The following OLAH variants were observed in gnomAD, a reference collection of about 807,000 sequenced individuals.
The protein encoded by OLAH is oleoyl-ACP hydrolase.
In OLAH, 33 loss-of-function variants were observed where a neutral mutation model predicts 27.8. That is an observed-to-expected ratio of 1.19 (90% CI 0.90 to 1.59). The LOEUF (loss-of-function observed/expected upper bound fraction) is 1.59. Among genes scored for constraint, OLAH ranks in the 40% most tolerant of loss-of-function variants. OLAH has a pLI of 0.00. For missense variants in OLAH, 359 were observed against 310.8 expected (o/e 1.16, Z -1.17); for synonymous variants, 120 against 102.9 (o/e 1.17, Z -1.01).
intron 4 of OLAH, chr10:15,062,081 C>T: frequency 2.3e-6 from 1 of 441,264 alleles, no homozygotes; most frequent in Middle Eastern, 6.1e-4. Context: ...ACTTGTAAAA[C>T]CAAGACTTTA....
At chr10:15,048,229 T>C (rs1677381977) in intron 2 of OLAH, among the ~76,000 whole-genome samples, 2 of 152,080 alleles carry the variant, frequency 1.3e-5, no homozygotes, top group South Asian at 4.1e-4. Context: ...GTTTGTTTGC[T>C]TGTTTTGAGA....
intron 7 of OLAH, 111 bp from the exon 8 acceptor site, chr10:15,072,976 C>A: frequency 1.1e-6 from 1 of 949,132 alleles, no homozygotes; most frequent in Non-Finnish European, 1.6e-6. Context: ...GAACATAAGG[C>A]CTTGAAAGTA....
intron 1 of OLAH, among the ~76,000 whole-genome samples, chr10:15,032,663 T>C (rs1843777947): frequency 6.6e-6 from 1 of 151,026 alleles, no homozygotes; most frequent in Admixed American, 6.6e-5. Flanking sequence ...CAGGGAATTC[T>C]ATAACTTGTT....
intron 2 of OLAH, among the ~76,000 whole-genome samples, chr10:15,048,635 G>C (rs1204321695): frequency 6.6e-6 from 1 of 152,178 alleles, no homozygotes; most frequent in Non-Finnish European, 1.5e-5. Context: ...AAGATACCAA[G>C]ATTGAAGCTG....
At chr10:15,070,289 G>A (rs1027014033) in intron 6 of OLAH, among the ~76,000 whole-genome samples, 5 of 151,746 alleles carry the variant, frequency 3.3e-5, no homozygotes, top group East Asian at 3.9e-4. Flanking sequence ...GTCCCCCTCC[G>A]ATCCGTTATC....
intron 3 of OLAH, among the ~76,000 whole-genome samples, chr10:15,056,205 C>T (rs1240539130): frequency 6.6e-6 from 1 of 152,078 alleles, no homozygotes. Context: ...ATTTATGTAT[C>T]TATTCTGTTC....
intron 3 of OLAH, among the ~76,000 whole-genome samples, chr10:15,060,223 G>T (rs932383711): frequency 6.6e-6 from 1 of 152,044 alleles, no homozygotes; most frequent in African/African-American, 2.4e-5. Context: ...AGGCTGGAGT[G>T]CAGTGGTATG....
chr10:15,061,756 A>T lies in OLAH; in HGVS notation c.196A>T (p.Arg66Ter). ...CTTAAGGCTTCCTGGAAGAGAAAGC[A>T]GAGTTGAAGAACCTCTTGAAAATGA... ...HSLRLPGRES[R>*]VEEPLENDIS... Residue 66 changes from arginine (R) to a stop codon, truncating the protein, a stop_gained, in exon 4 of 8, where the codon AGA becomes TGA. Transcript: ENST00000378228. LOFTEE classifies it high-confidence loss of function. 1 of 1,613,298 alleles carries T rather than the reference A, an allele frequency of 6.2e-7. No homozygotes were observed. Among genetic ancestry groups the T allele is most frequent in the Non-Finnish European group, 8.5e-7 (1 of 1,179,716 alleles).
intron 7 of OLAH, among the ~76,000 whole-genome samples, 178 bp from the exon 8 acceptor site, chr10:15,072,909 G>A (rs2131385415): frequency 1.3e-5 from 2 of 152,174 alleles, no homozygotes; most frequent in South Asian, 4.1e-4. Flanking sequence ...TTTGATTAAG[G>A]TAAACTTTAG....
At chr10:15,058,969 CTCCCTCTCTCCT>C (rs751374924) in intron 3 of OLAH, among the ~76,000 whole-genome samples, 3,645 of 105,668 alleles carry the variant, frequency 0.034, 134 homozygotes, top group Middle Eastern at 0.05. Context: ...CCTTCCCTCC[CTCCCTCTCTCCT>C]TCCCTCTCTC....
intron 6 of OLAH, among the ~76,000 whole-genome samples, chr10:15,068,784 C>G (rs768163854): frequency 4.6e-5 from 7 of 152,220 alleles, no homozygotes; most frequent in Non-Finnish European, 7.3e-5. Context: ...GAACACGTCT[C>G]TGCTTTTTGA....
intron 3 of OLAH, among the ~76,000 whole-genome samples, chr10:15,050,430 G>A (rs563858486): frequency 6.6e-6 from 1 of 152,080 alleles, no homozygotes; most frequent in Non-Finnish European, 1.5e-5. Flanking sequence ...ACCATGCCCA[G>A]CTAATTTTTG....
chr10:15,070,780 CTTTTT>C (rs71390010), intron 6 of OLAH, among the ~76,000 whole-genome samples: 7 of 99,928 alleles, frequency 7.0e-5, no homozygotes, highest in Middle Eastern at 7.7e-3. Flanking sequence ...CACGCCTGAA[CTTTTT>C]TTTTTTTTTT....
chr10:15,067,004 A>T (rs1237974524), intron 6 of OLAH, among the ~76,000 whole-genome samples: 1 of 152,214 alleles, frequency 6.6e-6, no homozygotes, highest in African/African-American at 2.4e-5. Flanking sequence ...CAAAATTGCT[A>T]AGAAAGTAGA....
chr10:15,044,255 T>C (rs1394232502), intron 1 of OLAH, among the ~76,000 whole-genome samples: 1 of 152,082 alleles, frequency 6.6e-6, no homozygotes, highest in East Asian at 1.9e-4. Context: ...TAAATAAACA[T>C]TTTTCTCTTC....
intron 1 of OLAH, among the ~76,000 whole-genome samples, chr10:15,045,455 T>A (rs943428158): frequency 1.3e-5 from 2 of 152,222 alleles, no homozygotes; most frequent in Non-Finnish European, 2.9e-5. Context: ...AAGAAGGAAC[T>A]ATTTCCAGGT....
chr10:15,072,813 G>A (rs1293579611), intron 7 of OLAH, among the ~76,000 whole-genome samples: 1 of 151,950 alleles, frequency 6.6e-6, no homozygotes, highest in Non-Finnish European at 1.5e-5. Context: ...AGTTTGGAAC[G>A]TTTCTGGTTG....
intron 3 of OLAH, chr10:15,056,941 T>C: frequency 6.6e-7 from 1 of 1,503,966 alleles, no homozygotes; most frequent in Non-Finnish European, 8.9e-7. Flanking sequence ...CCACCGTGCC[T>C]GGCCAAAATT....
intron 4 of OLAH, among the ~76,000 whole-genome samples, chr10:15,063,587 A>G (rs1321204062): frequency 2.0e-5 from 3 of 152,222 alleles, no homozygotes; most frequent in Non-Finnish European, 4.4e-5. Flanking sequence ...ATGTATTTAC[A>G]TAATATCAAC....
Sources: gnomAD v4.1 joint callset for allele counts (sites outside exome capture counted in the v4.1 genomes callset) on GRCh38, gnomAD v4.1.1 for gene constraint, MANE v1.5 for transcripts, NCBI Gene and HGNC (gene_info 2026-07-23, HGNC 2026-07-21) for gene names.